ACTL8: variants seen among roughly 807,000 people sequenced by gnomAD.
The protein encoded by ACTL8 is actin like 8, also known as actin-like protein 8.
Under a neutral mutation model 9.3 loss-of-function variants are expected in ACTL8, and 3 were observed. That is an observed-to-expected ratio of 0.32 (90% CI 0.15 to 0.83). The LOEUF (loss-of-function observed/expected upper bound fraction) is 0.83, where lower values mean the gene tolerates loss of function less well. Among genes scored for constraint, ACTL8 ranks in the 40% least tolerant of loss-of-function variants. The pLI is 0.57. For missense variants in ACTL8, 381 were observed against 492.2 expected (o/e 0.77, Z 2.14); for synonymous variants, 224 against 205.9 (o/e 1.09, Z -0.75).
intron 1 of ACTL8, among the ~76,000 whole-genome samples, chr1:17,781,805 C>T (rs1341967592): frequency 6.6e-6 from 1 of 152,124 alleles, no homozygotes; most frequent in Non-Finnish European, 1.5e-5. Context: ...GAAAGACACA[C>T]AGCTCTCTTT....
At chr1:17,781,931 G>A (rs944032713) in intron 1 of ACTL8, among the ~76,000 whole-genome samples, 1 of 152,216 alleles carries the variant, frequency 6.6e-6, no homozygotes, top group African/African-American at 2.4e-5. Flanking sequence ...GGGGAATGTG[G>A]AGAATGGGCC....
chr1:17,782,674 C>G (rs1253176207), intron 1 of ACTL8, among the ~76,000 whole-genome samples: 1 of 152,204 alleles, frequency 6.6e-6, no homozygotes, highest in Non-Finnish European at 1.5e-5. Flanking sequence ...CTTAACCAGT[C>G]TTCTGCTTCT....
intron 1 of ACTL8, among the ~76,000 whole-genome samples, chr1:17,808,675 A>G (rs986527939): frequency 3.3e-5 from 5 of 152,220 alleles, no homozygotes; most frequent in Admixed American, 3.3e-4. Context: ...CGTGCTCAGC[A>G]AGGATTCTGG....
chr1:17,773,064 G>A (rs1371085494), intron 1 of ACTL8, among the ~76,000 whole-genome samples: 2 of 152,288 alleles, frequency 1.3e-5, no homozygotes, highest in South Asian at 2.1e-4. Flanking sequence ...TCCTCGCTGC[G>A]TCGGACACTG....
chr1:17,775,391 A>G (rs1001734979), intron 1 of ACTL8, among the ~76,000 whole-genome samples: 1 of 152,020 alleles, frequency 6.6e-6, no homozygotes. Flanking sequence ...GGCTCTTAGG[A>G]TGGGAATGGC....
intron 1 of ACTL8, among the ~76,000 whole-genome samples, chr1:17,781,705 C>T (rs2066155916): frequency 6.6e-6 from 1 of 152,136 alleles, no homozygotes; most frequent in Non-Finnish European, 1.5e-5. Flanking sequence ...CATGATTCAA[C>T]CCACTACAAG....
At chr1:17,807,345 C>A (rs946783256) in intron 1 of ACTL8, among the ~76,000 whole-genome samples, 5 of 152,160 alleles carry the variant, frequency 3.3e-5, no homozygotes, top group Admixed American at 6.5e-5. Context: ...GAGGCACAGA[C>A]CCTGGAGCCT....
intron 1 of ACTL8, among the ~76,000 whole-genome samples, chr1:17,777,046 A>G (rs1570004800): frequency 7.6e-6 from 1 of 131,182 alleles, no homozygotes; most frequent in African/African-American, 3.0e-5. Context: ...CTGATCTTGA[A>G]TCCTGGGCCT....
chr1:17,787,574 A>G (rs1203439071), intron 1 of ACTL8, among the ~76,000 whole-genome samples: 1 of 152,166 alleles, frequency 6.6e-6, no homozygotes, highest in Non-Finnish European at 1.5e-5. Flanking sequence ...CCAGGCCTCT[A>G]GTGCATTCTT....
intron 1 of ACTL8, among the ~76,000 whole-genome samples, chr1:17,812,337 G>T (rs191154765): frequency 6.6e-6 from 1 of 152,008 alleles, no homozygotes; most frequent in Non-Finnish European, 1.5e-5. Context: ...TTTTGATTAG[G>T]ATTGAATCTA....
intron 1 of ACTL8, among the ~76,000 whole-genome samples, chr1:17,819,659 C>T (rs1342749857): frequency 1.1e-4 from 16 of 152,246 alleles, no homozygotes; most frequent in Admixed American, 1.0e-3. Flanking sequence ...GTCTGTCTGA[C>T]AATTTGTATT....
At chr1:17,789,098 TAAG>T (rs922804165) in intron 1 of ACTL8, among the ~76,000 whole-genome samples, 11 of 152,374 alleles carry the variant, frequency 7.2e-5, no homozygotes, top group East Asian at 1.9e-4. Flanking sequence ...TACATAATAT[TAAG>T]AAGGCAGTGC....
At chr1:17,774,632 A>G (rs1208644746) in intron 1 of ACTL8, among the ~76,000 whole-genome samples, 2 of 152,046 alleles carry the variant, frequency 1.3e-5, no homozygotes, top group African/African-American at 4.8e-5. Flanking sequence ...GTCCTGGGGT[A>G]GGCATGTGCC....
At chr1:17,795,475 A>G (rs2066270378) in intron 1 of ACTL8, among the ~76,000 whole-genome samples, 1 of 152,250 alleles carries the variant, frequency 6.6e-6, no homozygotes, top group Non-Finnish European at 1.5e-5. Context: ...GTGTTCTGCA[A>G]ATGTAAATTT....
intron 1 of ACTL8, among the ~76,000 whole-genome samples, chr1:17,760,377 A>G (rs2065992690): frequency 1.3e-5 from 2 of 152,132 alleles, no homozygotes; most frequent in African/African-American, 4.8e-5. Context: ...ACTTTGCTCC[A>G]TTGTCTTTTT....
At chr1:17,821,365 GGTGTTC>G (rs1382618671) in intron 1 of ACTL8, among the ~76,000 whole-genome samples, 2 of 152,102 alleles carry the variant, frequency 1.3e-5, no homozygotes, top group Non-Finnish European at 2.9e-5. Flanking sequence ...GTTTCTCCTA[GGTGTTC>G]TTTTAGAAGT....
intron 1 of ACTL8, among the ~76,000 whole-genome samples, chr1:17,761,537 G>A (rs2066005812): frequency 6.6e-6 from 1 of 151,948 alleles, no homozygotes; most frequent in Admixed American, 6.5e-5. Context: ...AAGGAACACG[G>A]GGAAGGCAGG....
intron 1 of ACTL8, among the ~76,000 whole-genome samples, chr1:17,771,129 A>G (rs2066080272): frequency 6.6e-6 from 1 of 152,224 alleles, no homozygotes; most frequent in Non-Finnish European, 1.5e-5. Flanking sequence ...TTTGTGGGCC[A>G]TATGGTCTCT....
At chr1:17,806,813 G>A (rs1160953543) in intron 1 of ACTL8, among the ~76,000 whole-genome samples, 1 of 152,254 alleles carries the variant, frequency 6.6e-6, no homozygotes, top group Admixed American at 6.5e-5. Context: ...GCATCTGCAT[G>A]AATCTGCTGT....
Sources: gnomAD v4.1 joint callset for allele counts (sites outside exome capture counted in the v4.1 genomes callset) on GRCh38, gnomAD v4.1.1 for gene constraint, MANE v1.5 for transcripts, NCBI Gene and HGNC (gene_info 2026-07-23, HGNC 2026-07-21) for gene names.